The following FAT4 variants were observed in gnomAD, a reference collection of about 807,000 sequenced individuals.
The protein encoded by FAT4 is FAT atypical cadherin 4.
A neutral mutation model predicts 303.9 loss-of-function variants in FAT4; 84 were observed. The observed-to-expected ratio is 0.28, with a 90% CI of 0.23 to 0.33. The LOEUF (loss-of-function observed/expected upper bound fraction) is 0.33, where lower values mean the gene tolerates loss of function less well. Among genes scored for constraint, FAT4 ranks in the 10% least tolerant of loss-of-function variants. The probability of loss-of-function intolerance (pLI) is 1.00; values close to 1 mark genes in which losing one functional copy is unlikely to be tolerated. For missense variants in FAT4, 6,005 were observed against 6,146.8 expected, an observed-to-expected ratio of 0.98 and a Z score of 0.77; for synonymous variants, 2,307 against 2,298.8, an observed-to-expected ratio of 1.00 and a Z score of -0.10.
At chr4:125,421,805 T>C (rs1217388074) in intron 7 of FAT4, among the ~76,000 whole-genome samples, 3 of 152,130 alleles carry the variant, frequency 2.0e-5, no homozygotes, top group Non-Finnish European at 4.4e-5. Flanking sequence ...ATAAGCAGTG[T>C]GCTAGAACTT....
chr4:125,451,846 T>C lies in FAT4; in HGVS notation c.10836T>C (p.Asn3612=), dbSNP rs758205719. The change falls in exon 10 of 18, where the codon AAT becomes AAC. Residue 3612 remains asparagine, a synonymous_variant. Coordinates refer to ENST00000394329, the MANE Select transcript of FAT4 (RefSeq NM_001291303.3). ...TCACAGTTATAGACCAAAATGACAA[T>C]CCTTCACAGTCTCGGACGGTGGAGA... ...VHITVIDQND[N]PSQSRTVEIF... The C allele has an allele frequency of 4.3e-6, 7 of 1,613,940 alleles. No homozygotes were observed. Among genetic ancestry groups the C allele is most frequent in the Non-Finnish European group, 5.9e-6 (7 of 1,180,020 alleles).
intron 2 of FAT4, among the ~76,000 whole-genome samples, chr4:125,330,909 C>G (rs912205267): frequency 1.3e-5 from 2 of 152,012 alleles, no homozygotes; most frequent in Admixed American, 6.6e-5. Context: ...CTCTTTTTTC[C>G]TGATTCCCCT....
In FAT4 at chr4:125,408,788, G is replaced by A. The variant is rs776232362; in HGVS notation, c.5914G>A (p.Asp1972Asn). Residue 1972 changes from aspartate to asparagine, a missense_variant, in exon 5 of 18, where the codon GAT (aspartate) becomes AAT (asparagine). Coordinates refer to ENST00000394329, the MANE Select transcript of FAT4 (RefSeq NM_001291303.3). Reference protein sequence around the residue: ...TVLVFNVTDADDGINSQLTYS... With the variant: ...TVLVFNVTDANDGINSQLTYS... ...TCTTGTGTTTAATGTTACTGATGCA[G>A]ATGATGGTATGTATTTTATTTAATA... 4.1e-6 allele frequency: 6 copies of A among 1,448,650 alleles called. No homozygotes were observed. The highest frequency in any genetic ancestry group is 5.6e-6 in the Non-Finnish European group (6 of 1,073,296). 89.7% of individuals were successfully genotyped at this position (1,448,650 alleles called of 1,614,324 possible). A position where few individuals can be genotyped will look rare whatever the true frequency, so the allele number is the denominator to read the frequency against.
intron 14 of FAT4, among the ~76,000 whole-genome samples, chr4:125,479,382 G>A (rs151246993): frequency 6.6e-6 from 1 of 152,136 alleles, no homozygotes; most frequent in Non-Finnish European, 1.5e-5. Flanking sequence ...TTAGTTGCAT[G>A]AGTATCCTGA....
intron 7 of FAT4, among the ~76,000 whole-genome samples, chr4:125,430,388 G>C (rs1284040458): frequency 6.6e-6 from 1 of 152,024 alleles, no homozygotes; most frequent in East Asian, 1.9e-4. Context: ...TGATTTGGAG[G>C]TTATGCTATC....
In FAT4 at chr4:125,316,925, C is replaced by A. The variant is rs372170599; in HGVS notation, c.514C>A (p.Arg172Ser). Residue 172 changes from arginine to serine, a missense_variant, in exon 2 of 18, where the codon CGC becomes AGC. Coordinates refer to ENST00000394329, the MANE Select transcript of FAT4 (RefSeq NM_001291303.3). The surrounding 1 kb of genome is among the most constrained non-coding windows in gnomAD (Gnocchi z 5.7). Reference protein sequence around the residue: ...SDIGSNGVDHRSYRIIRGNEA... With the variant: ...SDIGSNGVDHSSYRIIRGNEA... ...CATCGGCTCAAACGGTGTGGACCAC[C>A]GCTCCTACCGCATCATCCGCGGCAA... 1.2e-6 allele frequency: 2 copies of A among 1,613,906 alleles called. No homozygotes were observed. The highest frequency in any genetic ancestry group is 1.7e-6 in the Non-Finnish European group (2 of 1,180,018).
chr4:125,399,205 C>G (rs974588665), intron 3 of FAT4, among the ~76,000 whole-genome samples: 15 of 151,974 alleles, frequency 9.9e-5, no homozygotes, highest in African/African-American at 3.6e-4. Context: ...AAAGAGGTAT[C>G]TCTATTTTAT....
At chr4:125,339,922 A>T (rs909030070) in intron 2 of FAT4, among the ~76,000 whole-genome samples, 10 of 152,012 alleles carry the variant, frequency 6.6e-5, no homozygotes, top group Non-Finnish European at 2.9e-5. Context: ...AGTTAATTGT[A>T]TAATTGTATA....
intron 2 of FAT4, among the ~76,000 whole-genome samples, chr4:125,326,806 C>A (rs567802663): frequency 9.2e-5 from 14 of 152,138 alleles, no homozygotes; most frequent in Non-Finnish European, 2.1e-4. Flanking sequence ...CAGACAATTC[C>A]TTGAGGCCAG....
intron 10 of FAT4, among the ~76,000 whole-genome samples, chr4:125,461,917 A>G (rs1472782263): frequency 2.0e-5 from 3 of 151,978 alleles, no homozygotes; most frequent in African/African-American, 7.2e-5. Context: ...ATCAAGCACT[A>G]TTTGAAGTTT....
chr4:125,316,455 C>T lies in FAT4; in HGVS notation c.44C>T (p.Pro15Leu). 6.2e-7 allele frequency: 1 copy of T among 1,613,696 alleles called. No individual in the cohort carries two copies. The highest frequency in any genetic ancestry group is 8.5e-7 in the Non-Finnish European group (1 of 1,179,880). The change falls in exon 2 of 18, where the codon CCG (proline) becomes CTG (leucine). Residue 15 changes from proline to leucine, a missense_variant. Coordinates refer to ENST00000394329, the MANE Select transcript of FAT4 (RefSeq NM_001291303.3). The surrounding 1 kb of genome is among the most constrained non-coding windows in gnomAD (Gnocchi z 5.7). ...AGGGCTACTGGCCGCCCGTGGCTCC[C>T]GTTGCACACTCTATCAGTATCTCAG... ...PDRATGRPWL[P>L]LHTLSVSQLL... is the part of the protein sequence containing the mutation.
At chr4:125,434,029 C>T (rs937422414) in intron 7 of FAT4, among the ~76,000 whole-genome samples, 5 of 152,130 alleles carry the variant, frequency 3.3e-5, no homozygotes, top group Non-Finnish European at 2.9e-5. Flanking sequence ...ATATACTTTT[C>T]GTGCAGAGTT....
chr4:125,389,446 T>G (rs1385465154), intron 2 of FAT4, among the ~76,000 whole-genome samples: 1 of 152,200 alleles, frequency 6.6e-6, no homozygotes, highest in African/African-American at 2.4e-5. Flanking sequence ...TAATGCTTAT[T>G]CATTTTTTTC....
chr4:125,346,281 G>C (rs1731999002), intron 2 of FAT4, among the ~76,000 whole-genome samples: 1 of 152,006 alleles, frequency 6.6e-6, no homozygotes. Context: ...AATAAAAGCG[G>C]TAGCAGTGTT....
chr4:125,491,665 A>G lies in FAT4; in HGVS notation c.14849A>G (p.Lys4950Arg), dbSNP rs770141632. The change falls in exon 18 of 18, where the codon AAA becomes AGA. Residue 4950 changes from lysine (K) to arginine (R), a missense_variant. Transcript: ENST00000394329. ...TTTGGCCATTATGTAGATGTTTTTAAAGATTTGGCATCTCTTCCAGAAAAA... is the reference window on the plus strand; with the variant it reads ...TTTGGCCATTATGTAGATGTTTTTAGAGATTTGGCATCTCTTCCAGAAAAA... ...PGFGHYVDVF[K>R]DLASLPEKAA... 6.2e-7 allele frequency: 1 copy of G among 1,614,170 alleles called. No individual in the cohort carries two copies. The highest frequency in any genetic ancestry group is 2.2e-5 in the East Asian group (1 of 44,860).
At chr4:125,464,073 T>A (rs1379482180) in intron 11 of FAT4, among the ~76,000 whole-genome samples, 1 of 152,162 alleles carries the variant, frequency 6.6e-6, no homozygotes, top group Non-Finnish European at 1.5e-5. Context: ...TTTTGCTTTA[T>A]TTTTTATTTT....
chr4:125,423,199 A>G (rs1724967406), intron 7 of FAT4, among the ~76,000 whole-genome samples: 1 of 152,194 alleles, frequency 6.6e-6, no homozygotes, highest in African/African-American at 2.4e-5. Flanking sequence ...AGTAACCAAG[A>G]GCTGAATGAT....
chr4:125,420,701 C>T (rs1226286671), intron 7 of FAT4, among the ~76,000 whole-genome samples: 1 of 152,154 alleles, frequency 6.6e-6, no homozygotes, highest in Non-Finnish European at 1.5e-5. Context: ...CCCAGTGAAG[C>T]ATTTTATGGC....
At position 125,415,525 on chromosome 4, in the gene FAT4, C is replaced by G. The variant is rs749873938; in HGVS notation, c.6562C>G (p.Gln2188Glu). The change falls in exon 6 of 18, where the codon CAG (glutamine) becomes GAG (glutamate). Residue 2188 changes from glutamine (Q) to glutamate (E), a missense_variant. Physicochemically the swap from Gln to Glu is conservative, Grantham distance 29. Coordinates refer to ENST00000394329, the MANE Select transcript of FAT4 (RefSeq NM_001291303.3). ...AADGDEGTNG[Q>E]VRYGIVNGNT... ...AGATGGAGATGAAGGCACAAATGGACAGGTTCGCTATGGCATTGTTAATGG... is the reference window on the plus strand; with the variant it reads ...AGATGGAGATGAAGGCACAAATGGAGAGGTTCGCTATGGCATTGTTAATGG... 6 of 1,614,034 alleles carry G rather than the reference C, an allele frequency of 3.7e-6. No individual in the cohort carries two copies. Among genetic ancestry groups the G allele is most frequent in the Non-Finnish European group, 5.1e-6 (6 of 1,179,964 alleles).
Sources: gnomAD v4.1 joint callset for allele counts (sites outside exome capture counted in the v4.1 genomes callset) on GRCh38, gnomAD v4.1.1 for gene constraint, Gnocchi (gnomAD v3.1) non-coding constraint, MANE v1.5 for transcripts, NCBI Gene and HGNC (gene_info 2026-07-23, HGNC 2026-07-21) for gene names.